Variants in TTC27 observed in about 807,000 individuals in gnomAD.
TTC27 encodes tetratricopeptide repeat protein 27.
Under a neutral mutation model 115.9 loss-of-function variants are expected in TTC27, and 79 were observed. The observed-to-expected ratio is 0.68, with a 90% CI of 0.57 to 0.82. TTC27 has a LOEUF of 0.82. Among genes scored for constraint, TTC27 ranks in the 40% least tolerant of loss-of-function variants. The probability of loss-of-function intolerance (pLI) is 0.00; values close to 1 mark genes in which losing one functional copy is unlikely to be tolerated. For missense variants in TTC27, 1,054 were observed against 993.1 expected (o/e 1.06, Z -0.82); for synonymous variants, 401 against 356.0 (o/e 1.13, Z -1.42).
At chr2:32,754,954 G>T (rs1442699531) in intron 12 of TTC27, among the ~76,000 whole-genome samples, 24 of 151,636 alleles carry the variant, frequency 1.6e-4, no homozygotes, top group Non-Finnish European at 3.1e-4. Flanking sequence ...GGCGGCTGCT[G>T]GGTGGAGGGG....
intron 12 of TTC27, among the ~76,000 whole-genome samples, chr2:32,756,119 A>G (rs373156387): frequency 1.4e-4 from 22 of 152,220 alleles, no homozygotes; most frequent in African/African-American, 4.6e-4. Flanking sequence ...TCTATACCCA[A>G]TTACTATAAT....
chr2:32,803,542 G>C (rs1007944863), intron 16 of TTC27, among the ~76,000 whole-genome samples: 5 of 152,008 alleles, frequency 3.3e-5, no homozygotes, highest in East Asian at 1.9e-4. Flanking sequence ...GTCTCCCCAG[G>C]GTTTCTCACA....
At position 32,664,474 on chromosome 2, in the gene TTC27, C is replaced by G. The variant is rs200328123; in HGVS notation, c.805+7C>G. On this transcript the variant is annotated splice_region_variant and intron_variant, in intron 6 of 19. Transcript: ENST00000317907. ...TTACAAATTGATTTGACAGGTAAGACTTATTTTTTGTGGATAATTGATTTT... is the reference window on the plus strand; with the variant it reads ...TTACAAATTGATTTGACAGGTAAGAGTTATTTTTTGTGGATAATTGATTTT... The G allele has an allele frequency of 1.1e-5, 17 of 1,592,584 alleles. No individual in the cohort carries two copies. Among genetic ancestry groups the G allele is most frequent in the Non-Finnish European group, 1.4e-5 (17 of 1,174,786 alleles).
Position 32,628,240 on chromosome 2 carries a change from C to T in TTC27, c.-53C>T. 6.5e-7 allele frequency: 1 copy of T among 1,539,698 alleles called. No individual in the cohort carries two copies. The highest frequency in any genetic ancestry group is 8.9e-7 in the Non-Finnish European group (1 of 1,128,540). Reference sequence around the variant, plus strand: ...TCCTGTTTTCACTTTCTTTTGTTGACTCCCGTGTGGCCCTCGTGGGAGCCT... The same window carrying T: ...TCCTGTTTTCACTTTCTTTTGTTGATTCCCGTGTGGCCCTCGTGGGAGCCT... On this transcript the variant is annotated 5_prime_UTR_variant, in exon 1 of 20. Transcript: ENST00000317907.
chr2:32,648,376 C>A (rs1035276466), intron 4 of TTC27, among the ~76,000 whole-genome samples: 5 of 151,898 alleles, frequency 3.3e-5, no homozygotes, highest in Non-Finnish European at 7.4e-5. Context: ...TGATCAGCCC[C>A]ACCTCGGCCT....
Position 32,800,536 on chromosome 2 carries a change from C to T in TTC27, c.1999-10488C>T, listed in dbSNP as rs184604174. 2.7e-3 allele frequency among the ~76,000 whole-genome samples: 408 copies of T among 151,586 alleles called. 1 individual carries two copies. The highest frequency in any genetic ancestry group is 9.2e-3 in the African/African-American group (379 of 41,306). ...TTTTTGAGACAGAGTCTCGCTCTGTCGCCCAGGCTGGAGTGCAGTGGCACA... is the reference window on the plus strand; with the variant it reads ...TTTTTGAGACAGAGTCTCGCTCTGTTGCCCAGGCTGGAGTGCAGTGGCACA... On this transcript the variant is annotated intron_variant, in intron 16 of 19. Coordinates refer to ENST00000317907, the MANE Select transcript of TTC27 (RefSeq NM_017735.5).
At chr2:32,679,064 C>A in intron 9 of TTC27, 142 bp downstream of exon 9, 1 of 647,048 alleles carries the variant, frequency 1.5e-6, no homozygotes, top group Non-Finnish European at 2.6e-6. Context: ...ACTGTAGTTT[C>A]TAAGTCACAT....
chr2:32,655,116 G>A (rs912391177), intron 5 of TTC27, among the ~76,000 whole-genome samples: 1 of 151,544 alleles, frequency 6.6e-6, no homozygotes, highest in Non-Finnish European at 1.5e-5. Context: ...AGCCTCTCAA[G>A]CAGCTGGGAC....
intron 7 of TTC27, among the ~76,000 whole-genome samples, chr2:32,667,438 A>T (rs183839352): frequency 0.012 from 1,519 of 125,300 alleles, 27 homozygotes; most frequent in African/African-American, 0.044. Context: ...TTTTTTTGAG[A>T]TGGAGTCTCA....
At chr2:32,748,488 A>T (rs1668902645) in intron 12 of TTC27, among the ~76,000 whole-genome samples, 2 of 152,150 alleles carry the variant, frequency 1.3e-5, no homozygotes, top group African/African-American at 4.8e-5. Context: ...TCTTTTGTGT[A>T]GTTATTCTGT....
At chr2:32,772,958 CA>C (rs2148008691) in intron 13 of TTC27, among the ~76,000 whole-genome samples, 1 of 152,328 alleles carries the variant, frequency 6.6e-6, no homozygotes, top group East Asian at 1.9e-4. Flanking sequence ...AGGGTCGTAA[CA>C]GTTACTCAGA....
intron 12 of TTC27, among the ~76,000 whole-genome samples, chr2:32,754,611 C>A (rs1477358766): frequency 6.6e-6 from 1 of 150,870 alleles, no homozygotes; most frequent in Non-Finnish European, 1.5e-5. Flanking sequence ...CTTTTCTATT[C>A]CACAAAACCG....
chr2:32,760,905 G>T (rs1004668816), intron 13 of TTC27, among the ~76,000 whole-genome samples: 2 of 152,110 alleles, frequency 1.3e-5, no homozygotes, highest in Non-Finnish European at 2.9e-5. Flanking sequence ...CTCCCTTGCT[G>T]GTTCCTAGGG....
rs1425920257 is a variant in TTC27 at position 32,787,135 on chromosome 2, T to C, written c.1984T>C (p.Tyr662His). The C allele has an allele frequency of 1.2e-6, 2 of 1,611,912 alleles. No individual in the cohort carries two copies. The highest frequency in any genetic ancestry group is 1.7e-6 in the Non-Finnish European group (2 of 1,179,562). ...CCGGCTCTTGGACTTACGTGACAAA[T>C]ACAAAGATGTTCAGGTAGGATATTC... ...YHRLLDLRDK[Y>H]KDVQVLKILV... The change falls in exon 16 of 20, where the codon TAC (tyrosine) becomes CAC (histidine). Residue 662 changes from tyrosine to histidine, a missense_variant. Transcript: ENST00000317907.
intron 9 of TTC27, among the ~76,000 whole-genome samples, chr2:32,702,089 A>G (rs955027374): frequency 6.6e-6 from 1 of 152,024 alleles, no homozygotes; most frequent in Non-Finnish European, 1.5e-5. Flanking sequence ...GATCTGATAT[A>G]CTTTTAGAAT....
chr2:32,772,065 C>A (rs989428680), intron 13 of TTC27, among the ~76,000 whole-genome samples: 1 of 152,018 alleles, frequency 6.6e-6, no homozygotes, highest in East Asian at 1.9e-4. Context: ...TAAGTGGTAC[C>A]CATTGCAGAT....
intron 3 of TTC27, chr2:32,635,308 T>G (rs961569479): frequency 1.9e-5 from 3 of 153,874 alleles, no homozygotes; most frequent in African/African-American, 7.2e-5. Context: ...GCTGAGTGAT[T>G]GATAGCTATG....
At chr2:32,643,524 C>G (rs1307000133) in intron 4 of TTC27, among the ~76,000 whole-genome samples, 3 of 151,714 alleles carry the variant, frequency 2.0e-5, no homozygotes, top group Non-Finnish European at 4.4e-5. Flanking sequence ...GCCAACTGGT[C>G]TCAAACTCCT....
At chr2:32,633,799 C>T (rs1664306999) in intron 2 of TTC27, 77 bp from the exon 3 acceptor site, 1 of 1,445,710 alleles carries the variant, frequency 6.9e-7, no homozygotes, top group Non-Finnish European at 9.4e-7. Context: ...CTTAATAAAA[C>T]TGAAATGGAA....
Sources: gnomAD v4.1 joint callset for allele counts (sites outside exome capture counted in the v4.1 genomes callset) on GRCh38, gnomAD v4.1.1 for gene constraint, MANE v1.5 for transcripts, NCBI Gene and HGNC (gene_info 2026-07-23, HGNC 2026-07-21) for gene names.